Variants in CPLANE1 observed in about 807,000 individuals in gnomAD.
CPLANE1 encodes ciliogenesis and planar polarity effector 1.
Under a neutral mutation model 362.5 loss-of-function variants are expected in CPLANE1, and 263 were observed. The observed-to-expected ratio is 0.73, with a 90% CI of 0.66 to 0.80. The LOEUF (loss-of-function observed/expected upper bound fraction) is 0.80. Among genes scored for constraint, CPLANE1 ranks in the 30% least tolerant of loss-of-function variants. The pLI, the probability that CPLANE1 is intolerant of heterozygous loss-of-function variation, is 0.00. For synonymous variants in CPLANE1, 1,212 were observed against 1,302.6 expected, an observed-to-expected ratio of 0.93 and a Z score of 1.50; for missense variants, 3,461 against 3,793.4, an observed-to-expected ratio of 0.91 and a Z score of 2.30.
rs532199487 is a variant in CPLANE1, at chr5:37,214,662, A to C, written c.2747-930T>G. Reference sequence around the variant, plus strand: ...TTCCTGTTGCTATTTTGAGGAGTTCAAGTGTTGCAAGTATTTGCTTAAAAT... The same window carrying C: ...TTCCTGTTGCTATTTTGAGGAGTTCCAGTGTTGCAAGTATTTGCTTAAAAT... On this transcript the variant is annotated intron_variant, in intron 15 of 52. Coordinates refer to ENST00000651892, the MANE Select transcript of CPLANE1 (RefSeq NM_001384732.1). Among the ~76,000 whole-genome samples, 6 of 152,366 alleles carry C rather than the reference A, an allele frequency of 3.9e-5. No individual in the cohort carries two copies. In the South Asian group the frequency reaches 1.2e-3, roughly 32 times the overall value.
chr5:37,142,276 G>C (rs1217336884), intron 44 of CPLANE1, 34 bp downstream of exon 44: 1 of 1,478,124 alleles, frequency 6.8e-7, no homozygotes, highest in African/African-American at 1.4e-5. Flanking sequence ...TGGAGAATAA[G>C]AGTATGTGTA....
intron 7 of CPLANE1, 74 bp downstream of exon 7, chr5:37,239,639 G>T: frequency 2.2e-4 from 183 of 817,280 alleles, no homozygotes; most frequent in Non-Finnish European, 2.7e-4. Flanking sequence ...GGAGTATTTA[G>T]AAAAAGAAAA....
chr5:37,085,424 T>C, the CPLANE1 span: 2 of 1,013,312 alleles, frequency 2.0e-6, no homozygotes, highest in Admixed American at 1.7e-5. Flanking sequence ...ACAAATTGGG[T>C]AAAGTGAGAA....
chr5:37,192,756 C>T (rs965075156), intron 21 of CPLANE1, among the ~76,000 whole-genome samples: 1 of 148,278 alleles, frequency 6.7e-6, no homozygotes, highest in Admixed American at 6.8e-5. Flanking sequence ...CCCAGCTACT[C>T]GGGAGGCTAA....
In CPLANE1 at chr5:37,116,993, A is replaced by G. The variant is rs1424144524; in HGVS notation, c.9311-1944T>C. On this transcript the variant is annotated intron_variant, in intron 50 of 52. Coordinates refer to ENST00000651892, the MANE Select transcript of CPLANE1 (RefSeq NM_001384732.1). ...AGAGGCCACAAGAACAAGGGGAGCC[A>G]CAGCCTGTTCTACTGAGGCAGAGAA... Among the ~76,000 whole-genome samples, 3 of 152,346 alleles carry G rather than the reference A, an allele frequency of 2.0e-5. No homozygotes were observed. The East Asian group carries it at 5.8e-4, about 29-fold the overall frequency.
At chr5:37,192,650 G>T (rs975020477) in intron 21 of CPLANE1, among the ~76,000 whole-genome samples, 1 of 151,766 alleles carries the variant, frequency 6.6e-6, no homozygotes, top group Non-Finnish European at 1.5e-5. Flanking sequence ...AGATCACGAG[G>T]TCAGGAGATT....
intron 41 of CPLANE1, among the ~76,000 whole-genome samples, chr5:37,155,631 T>G (rs1429386911): frequency 2.0e-5 from 3 of 152,246 alleles, no homozygotes; most frequent in African/African-American, 7.2e-5. Flanking sequence ...CGCCTTAGCC[T>G]CCCAAAGTGT....
Position 37,198,368 on chromosome 5 carries a change from C to A in CPLANE1, c.3672+334G>T, listed in dbSNP as rs577765826. On this transcript the variant is annotated intron_variant, in intron 20 of 52. Transcript: ENST00000651892. Reference sequence around the variant, plus strand: ...CACAGAAGGCCCCACAGAACACAGACAACACCTCAAGGAGAACTGGGAGAA... The same window carrying A: ...CACAGAAGGCCCCACAGAACACAGAAAACACCTCAAGGAGAACTGGGAGAA... 2.0e-5 allele frequency among the ~76,000 whole-genome samples: 3 copies of A among 152,062 alleles called. No homozygotes were observed. The East Asian group carries it at 5.8e-4, about 29-fold the overall frequency.
intron 19 of CPLANE1, among the ~76,000 whole-genome samples, chr5:37,200,215 T>G (rs1165197472): frequency 1.3e-5 from 2 of 152,220 alleles, no homozygotes; most frequent in Non-Finnish European, 2.9e-5. Context: ...CCAAGTGTTT[T>G]ATTACTTGCA....
chr5:37,139,907 C>G, intron 44 of CPLANE1: 2 of 985,388 alleles, frequency 2.0e-6, no homozygotes, highest in Non-Finnish European at 2.4e-6. Context: ...TCAGAAGGCA[C>G]AACCCTTCTT....
chr5:37,187,532 C>T lies in CPLANE1; in HGVS notation c.3962G>A (p.Cys1321Tyr). Reference protein sequence around the residue: ...VEFDSCMIEHCLSAVEWAYRM... With the variant: ...VEFDSCMIEHYLSAVEWAYRM... ...ATAAGCCCATTCCACTGCACTAAGACAGTGCTCAATCATACAAGAATCAAA... is the reference window on the plus strand; with the variant it reads ...ATAAGCCCATTCCACTGCACTAAGATAGTGCTCAATCATACAAGAATCAAA... The change falls in exon 23 of 53, where the codon TGT (cysteine) becomes TAT (tyrosine). Residue 1321 changes from cysteine to tyrosine, a missense_variant. By Grantham distance (194) the Cys-to-Tyr change is radical. This residue lies in a region of CPLANE1 where 3,380 missense variants were observed against 3,666.1 expected (regional missense o/e 0.92). Transcript: ENST00000651892. 1 of 1,612,068 alleles carries T rather than the reference C, an allele frequency of 6.2e-7. No homozygotes were observed. The highest frequency in any genetic ancestry group is 8.5e-7 in the Non-Finnish European group (1 of 1,179,392).
rs113860910 is a variant in CPLANE1, at chr5:37,175,786, T to TTTA, written c.5978+122_5978+123insTAA. The TTTA allele has an allele frequency of 0.12, 84,174 of 683,888 alleles. 6,554 individuals carry two copies. Among genetic ancestry groups the TTTA allele is most frequent in the African/African-American group, 0.31 (17,211 of 55,886 alleles). The allele number at this position is 683,888 out of a possible 1,614,324, so 42.4% of individuals were successfully genotyped here. ...CTTTCAATGTTTTATGTTGCTTTCA[T>TTTA]TTTTCTTAGTTTTTAGTCAAAATGT... On this transcript the variant is annotated intron_variant, in intron 31 of 52. Transcript: ENST00000651892.
In CPLANE1 at chr5:37,245,297, CTATATATATATATATATATA is replaced by C. The variant is rs57781968; in HGVS notation, c.337+162_337+181del. ...GTATCACAGATAAACATAACCAAAA[CTATATATATATATATATATA>C]TATATATATATATATATATATATAT... On this transcript the variant is annotated intron_variant, in intron 4 of 52. Transcript: ENST00000651892. Among the ~76,000 whole-genome samples the C allele has an allele frequency of 0.2, 12,224 of 59,766 alleles. 1,272 individuals are homozygous for C. Among genetic ancestry groups the C allele is most frequent in the Non-Finnish European group, 0.29 (8,698 of 29,996 alleles). The allele number at this position is 59,766 out of a possible 152,430, so 39.2% of individuals were successfully genotyped here. A position where few individuals can be genotyped will look rare whatever the true frequency, so the allele number is the denominator to read the frequency against.
chr5:37,139,853 A>G (rs1254559149), intron 44 of CPLANE1: 1 of 985,844 alleles, frequency 1.0e-6, no homozygotes, highest in East Asian at 1.1e-4. Flanking sequence ...CCCAGCCAGT[A>G]TAAGATTATT....
At position 37,120,275 on chromosome 5, in the gene CPLANE1, G is replaced by A. The variant is rs745740741; in HGVS notation, c.9251C>T (p.Pro3084Leu). The A allele has an allele frequency of 5.6e-6, 9 of 1,600,026 alleles. No homozygotes were observed. The highest frequency in any genetic ancestry group is 5.3e-5 in the Admixed American group (3 of 56,872). ...RPGKVKYMSK[P>L]SYIHKRKSFG... is the part of the protein sequence containing the mutation. ...AGACTTCCTCTTATGGATATAACTCGGTTTGGACATATATTTGACTTTTCC... is the reference window on the plus strand; with the variant it reads ...AGACTTCCTCTTATGGATATAACTCAGTTTGGACATATATTTGACTTTTCC... Residue 3084 changes from proline to leucine, a missense_variant, in exon 50 of 53, where the codon CCG (proline) becomes CTG (leucine). By Grantham distance (98) the Pro-to-Leu change is moderately conservative. This residue lies in a region of CPLANE1 where 3,380 missense variants were observed against 3,666.1 expected (regional missense o/e 0.92). Transcript: ENST00000651892.
At chr5:37,108,246 G>T in intron 52 of CPLANE1, 47 bp downstream of exon 52, 1 of 1,511,226 alleles carries the variant, frequency 6.6e-7, no homozygotes, top group Non-Finnish European at 9.0e-7. Flanking sequence ...AAAACCTGAA[G>T]AACATAGAGC....
intron 32 of CPLANE1, among the ~76,000 whole-genome samples, chr5:37,172,445 T>C (rs1780059750): frequency 6.6e-6 from 1 of 152,198 alleles, no homozygotes; most frequent in Non-Finnish European, 1.5e-5. Flanking sequence ...ATCTTTTGTG[T>C]GCATCAGAAT....
rs1008545236 is a variant in CPLANE1 at position 37,201,689 on chromosome 5, C to T, written c.3409G>A (p.Ala1137Thr). The part of the protein sequence containing the change: ...SETFQLLIDS[A>T]KDFSKRLWGL... The stretch of plus-strand genomic sequence containing the variant: ...CACAGTCTTTTACTGAAGTCCTTGG[C>T]AGAGTCTATCAGAAGTTGAAATGTC... The change falls in exon 19 of 53, where the codon GCC (alanine) becomes ACC (threonine). Residue 1137 changes from alanine (A) to threonine (T), a missense_variant. Transcript: ENST00000651892. The T allele has an allele frequency of 6.2e-7, 1 of 1,614,122 alleles. No individual in the cohort carries two copies. Among genetic ancestry groups the T allele is most frequent in the Non-Finnish European group, 8.5e-7 (1 of 1,179,980 alleles).
chr5:37,196,897 C>A (rs543039013), intron 20 of CPLANE1, among the ~76,000 whole-genome samples: 1 of 151,764 alleles, frequency 6.6e-6, no homozygotes, highest in East Asian at 1.9e-4. Flanking sequence ...TGCACCCAGC[C>A]TGGGCGACAG....
Sources: gnomAD v4.1 joint callset for allele counts (sites outside exome capture counted in the v4.1 genomes callset) on GRCh38, gnomAD v4.1.1 for gene constraint, gnomAD v4.1.1 regional missense constraint, MANE v1.5 for transcripts, NCBI Gene and HGNC (gene_info 2026-07-23, HGNC 2026-07-21) for gene names.